The following ZSWIM9 variants were observed in gnomAD, a reference collection of about 807,000 sequenced individuals.
ZSWIM9 encodes uncharacterized protein ZSWIM9.
In ZSWIM9, 11 loss-of-function variants were observed where a neutral mutation model predicts 25.0. The observed-to-expected ratio is 0.44, with a 90% confidence interval of 0.28 to 0.73. The LOEUF (loss-of-function observed/expected upper bound fraction) is 0.73. Among genes scored for constraint, ZSWIM9 ranks in the 30% least tolerant of loss-of-function variants. ZSWIM9 has a pLI of 0.16. For missense variants in ZSWIM9, 1,070 were observed against 1,296.5 expected (o/e 0.83, Z 2.68); for synonymous variants, 562 against 582.1 (o/e 0.97, Z 0.50).
chr19:48,188,034 G>A (rs1457439040), intron 3 of ZSWIM9, among the ~76,000 whole-genome samples: 2 of 150,930 alleles, frequency 1.3e-5, no homozygotes, highest in Non-Finnish European at 2.9e-5. Flanking sequence ...CCTAGGTCAA[G>A]CAACAATCAG....
chr19:48,196,330 G>A lies in ZSWIM9; in HGVS notation c.2266G>A (p.Gly756Arg). 1 of 1,233,540 alleles carries A rather than the reference G, an allele frequency of 8.1e-7. No individual in the cohort carries two copies. Among genetic ancestry groups the A allele is most frequent in the Non-Finnish European group, 1.0e-6 (1 of 989,018 alleles). 76.4% of individuals were successfully genotyped at this position (1,233,540 alleles called of 1,614,324 possible). ...GRGMEWGDAGGRCLGLGNGVV... is the reference protein window; with the variant it reads ...GRGMEWGDAGRRCLGLGNGVV... ...AGGGATGGAGTGGGGAGACGCAGGA[G>A]GGCGGTGTCTAGGGCTGGGGAATGG... The change falls in exon 4 of 4, where the codon GGG (glycine) becomes AGG (arginine). Residue 756 changes from glycine to arginine, a missense_variant. Coordinates refer to ENST00000614654, the MANE Select transcript of ZSWIM9 (RefSeq NM_199341.4).
At chr19:48,175,566 A>G (rs935287497) in intron 2 of ZSWIM9, among the ~76,000 whole-genome samples, 3 of 150,572 alleles carry the variant, frequency 2.0e-5, no homozygotes, top group East Asian at 1.9e-4. Flanking sequence ...GGGTGGTGGG[A>G]GCCCTAGAAG....
rs2037151946 is a variant in ZSWIM9, at chr19:48,195,613, G to A, written c.1549G>A (p.Ala517Thr). ...GAQFEGEKGR[A>T]LQIRDWRGGR... ...TCAGTTCGAAGGTGAGAAGGGGAGG[G>A]CACTGCAGATCAGAGATTGGAGAGG... The change falls in exon 4 of 4, where the codon GCA becomes ACA. Residue 517 changes from alanine (A) to threonine (T), a missense_variant. Around this residue, in one of 4 missense-constraint regions of ZSWIM9, gnomAD observed 583 missense variants for 624.7 expected, o/e 0.93. Transcript: ENST00000614654. This position sits in a 1 kb window ranked among gnomAD's most constrained non-coding sequence, Gnocchi z 5.8. 7.0e-7 allele frequency: 1 copy of A among 1,424,502 alleles called. No individual in the cohort carries two copies. The highest frequency in any genetic ancestry group is 9.1e-7 in the Non-Finnish European group (1 of 1,094,944). 88.2% of individuals were successfully genotyped at this position (1,424,502 alleles called of 1,614,324 possible).
At position 48,179,789 on chromosome 19, in the gene ZSWIM9, C is replaced by T. The variant is rs1324954218; in HGVS notation, c.276-2666C>T. ...GGCATCTGTAAGGTGGGATGATTGTCTTAGTCTCAATTGATGTAACAAACT... is the reference window on the plus strand; with the variant it reads ...GGCATCTGTAAGGTGGGATGATTGTTTTAGTCTCAATTGATGTAACAAACT... On this transcript the variant is annotated intron_variant, in intron 2 of 3. Coordinates refer to ENST00000614654, the MANE Select transcript of ZSWIM9 (RefSeq NM_199341.4). Among the ~76,000 whole-genome samples, 3 of 152,208 alleles carry T rather than the reference C, an allele frequency of 2.0e-5. No individual in the cohort carries two copies. The East Asian group carries it at 5.8e-4, about 29-fold the overall frequency.
In ZSWIM9 at chr19:48,173,669, C is replaced by T. The variant is rs892169574; in HGVS notation, c.275+1592C>T. On this transcript the variant is annotated intron_variant, in intron 2 of 3. Transcript: ENST00000614654. The stretch of plus-strand genomic sequence containing the variant: ...TTATTTTATTTGAGACGGAGTCTTG[C>T]TCTGCCATCCACACTGGAGTGCAGT... Among the ~76,000 whole-genome samples the T allele has an allele frequency of 8.5e-5, 13 of 152,160 alleles. 1 individual carries two copies. Among genetic ancestry groups the T allele is most frequent in the Non-Finnish European group, 1.5e-5 (1 of 68,028 alleles).
rs925148571 is a variant in ZSWIM9, at chr19:48,194,932, C to T, written c.868C>T (p.Arg290Cys). Residue 290 changes from arginine to cysteine, a missense_variant, in exon 4 of 4, where the codon CGC becomes TGC. Arg to Cys is a radical substitution (Grantham distance 180, BLOSUM62 -3). Transcript: ENST00000614654. This position sits in a 1 kb window ranked among gnomAD's most constrained non-coding sequence, Gnocchi z 6.0. The stretch of plus-strand genomic sequence containing the variant: ...CGCGCCAGACGTCAAGGGCCGCGTG[C>T]GCTGCCTCACCGCCGGGCCCGAGGT... ...QSAPDVKGRVRCLTAGPEVAA... is the reference protein window; with the variant it reads ...QSAPDVKGRVCCLTAGPEVAA... 2 of 1,320,084 alleles carry T rather than the reference C, an allele frequency of 1.5e-6. No individual in the cohort carries two copies. Among genetic ancestry groups the T allele is most frequent in the Non-Finnish European group, 1.9e-6 (2 of 1,036,294 alleles). The allele number at this position is 1,320,084 out of a possible 1,614,324, so 81.8% of individuals were successfully genotyped here.
intron 2 of ZSWIM9, among the ~76,000 whole-genome samples, chr19:48,178,616 G>A (rs769650933): frequency 4.6e-5 from 7 of 151,742 alleles, no homozygotes; most frequent in African/African-American, 1.5e-4. Context: ...TCGCTCTGTC[G>A]CCCAGGCTGG....
At position 48,182,920 on chromosome 19, in the gene ZSWIM9, T is replaced by C. The variant is rs942284122; in HGVS notation, c.588+153T>C. ...CATTCAATAAGTACTTACCGAGGCA[T>C]TGGGGATGCAGCAGCAAACCAGACC... On this transcript the variant is annotated intron_variant, in intron 3 of 3. Coordinates refer to ENST00000614654, the MANE Select transcript of ZSWIM9 (RefSeq NM_199341.4). This position sits in a 1 kb window ranked among gnomAD's most constrained non-coding sequence, Gnocchi z 4.6. The C allele has an allele frequency of 2.7e-5, 18 of 660,694 alleles. No individual in the cohort carries two copies. Among genetic ancestry groups the C allele is most frequent in the South Asian group, 1.4e-4 (7 of 51,692 alleles). The allele number at this position is 660,694 out of a possible 1,614,324, so 40.9% of individuals were successfully genotyped here.
At chr19:48,180,952 TA>T (rs2036942044) in intron 2 of ZSWIM9, 2 of 149,036 alleles carry the variant, frequency 1.3e-5, no homozygotes, top group African/African-American at 5.0e-5. Flanking sequence ...AATATATATA[TA>T]TATATATTTT....
In ZSWIM9 at chr19:48,194,894, C is replaced by G; in HGVS notation, c.830C>G (p.Ser277Trp). ...AGCCTGCTGCGCTTCGCGCTCGCGT[C>G]GCTGCTGCAGAGCGCGCCAGACGTC... is the stretch of plus-strand genomic sequence containing the variant. ...TPSLLRFALA[S>W]LLQSAPDVKG... is the part of the protein sequence containing the mutation. Residue 277 changes from serine to tryptophan, a missense_variant, in exon 4 of 4, where the codon TCG (serine) becomes TGG (tryptophan). Coordinates refer to ENST00000614654, the MANE Select transcript of ZSWIM9 (RefSeq NM_199341.4). This position sits in a 1 kb window ranked among gnomAD's most constrained non-coding sequence, Gnocchi z 6.0. 1 of 1,317,400 alleles carries G rather than the reference C, an allele frequency of 7.6e-7. No individual in the cohort carries two copies. Among genetic ancestry groups the G allele is most frequent in the Non-Finnish European group, 9.6e-7 (1 of 1,037,876 alleles). The allele number at this position is 1,317,400 out of a possible 1,614,324, so 81.6% of individuals were successfully genotyped here.
At chr19:48,184,229 C>T (rs1391216648) in intron 3 of ZSWIM9, among the ~76,000 whole-genome samples, 3 of 151,938 alleles carry the variant, frequency 2.0e-5, no homozygotes, top group African/African-American at 7.3e-5. Flanking sequence ...GGAGATGGAA[C>T]AGAGGCAAGG....
In ZSWIM9 at chr19:48,195,295, C is replaced by A. The variant is rs1015013177; in HGVS notation, c.1231C>A (p.Arg411=). 2.0e-6 allele frequency: 3 copies of A among 1,530,100 alleles called. No individual in the cohort carries two copies. Among genetic ancestry groups the A allele is most frequent in the Non-Finnish European group, 2.6e-6 (3 of 1,144,274 alleles). The allele number at this position is 1,530,100 out of a possible 1,614,324, so 94.8% of individuals were successfully genotyped here. The change falls in exon 4 of 4, where the codon CGG becomes AGG. Residue 411 remains arginine (R), a synonymous_variant. Coordinates refer to ENST00000614654, the MANE Select transcript of ZSWIM9 (RefSeq NM_199341.4). The surrounding 1 kb of genome is among the most constrained non-coding windows in gnomAD (Gnocchi z 5.8). ...DACALVRGHR[R]RLLRRLSPSR... ...GTGTGCCCTGGTGCGAGGCCACCGC[C>A]GGCGACTGCTGCGTCGTCTCAGCCC... is the stretch of plus-strand genomic sequence containing the variant.
intron 3 of ZSWIM9, among the ~76,000 whole-genome samples, chr19:48,185,796 G>A (rs1314481085): frequency 6.6e-6 from 1 of 152,156 alleles, no homozygotes; most frequent in African/African-American, 2.4e-5. Context: ...AGACCAGCAT[G>A]GCCAACATGG....
At chr19:48,185,124 A>G (rs1052967495) in intron 3 of ZSWIM9, among the ~76,000 whole-genome samples, 14 of 144,670 alleles carry the variant, frequency 9.7e-5, no homozygotes, top group Non-Finnish European at 1.8e-4. Flanking sequence ...CTGTGTTTTG[A>G]CCTGCTTTCA....
chr19:48,195,607 G>C lies in ZSWIM9; in HGVS notation c.1543G>C (p.Gly515Arg). 7.0e-7 allele frequency: 1 copy of C among 1,422,462 alleles called. No individual in the cohort carries two copies. The allele number at this position is 1,422,462 out of a possible 1,614,324, so 88.1% of individuals were successfully genotyped here. ...WGGAQFEGEK[G>R]RALQIRDWRG... Reference sequence around the variant, plus strand: ...CGGGGCTCAGTTCGAAGGTGAGAAGGGGAGGGCACTGCAGATCAGAGATTG... The same window carrying C: ...CGGGGCTCAGTTCGAAGGTGAGAAGCGGAGGGCACTGCAGATCAGAGATTG... Residue 515 changes from glycine (G) to arginine (R), a missense_variant, in exon 4 of 4, where the codon GGG (glycine) becomes CGG (arginine). Gly to Arg is a moderately radical substitution (Grantham distance 125, BLOSUM62 -2). This residue lies in a region of ZSWIM9 where 583 missense variants were observed against 624.7 expected (regional missense o/e 0.93). Coordinates refer to ENST00000614654, the MANE Select transcript of ZSWIM9 (RefSeq NM_199341.4). The surrounding 1 kb of genome is among the most constrained non-coding windows in gnomAD (Gnocchi z 5.8).
chr19:48,191,086 A>ATG (rs1409972670), intron 3 of ZSWIM9, among the ~76,000 whole-genome samples: 11,171 of 142,494 alleles, frequency 0.078, 434 homozygotes, highest in Middle Eastern at 0.12. Context: ...TGCAGTGTGT[A>ATG]TGTGTATGTG....
Position 48,186,024 on chromosome 19 carries a change from T to C in ZSWIM9, c.588+3257T>C, listed in dbSNP as rs184807001. On this transcript the variant is annotated intron_variant, in intron 3 of 3. Transcript: ENST00000614654. ...GAAAGAAAATGGTTCTTATCTGTAC[T>C]GTCCAATCCAGAGGCCACTGGCCAC... Among the ~76,000 whole-genome samples, 51 of 152,290 alleles carry C rather than the reference T, an allele frequency of 3.3e-4. No individual in the cohort carries two copies. The East Asian group carries it at 9.4e-3, about 28-fold the overall frequency.
At chr19:48,175,977 G>A (rs1360785628) in intron 2 of ZSWIM9, among the ~76,000 whole-genome samples, 2 of 152,210 alleles carry the variant, frequency 1.3e-5, no homozygotes, top group African/African-American at 4.8e-5. Flanking sequence ...AGGCCGAGGC[G>A]GGCAGATCAC....
Position 48,195,493 on chromosome 19 carries a change from T to C in ZSWIM9, c.1429T>C (p.Trp477Arg). 7.1e-7 allele frequency: 1 copy of C among 1,410,924 alleles called. No individual in the cohort carries two copies. Among genetic ancestry groups the C allele is most frequent in the Non-Finnish European group, 9.2e-7 (1 of 1,089,742 alleles). 87.4% of individuals were successfully genotyped at this position (1,410,924 alleles called of 1,614,324 possible). ...ERVRGLETGDWGGAPKEGSIW... is the reference protein window; with the variant it reads ...ERVRGLETGDRGGAPKEGSIW... The stretch of plus-strand genomic sequence containing the variant: ...GGTGAGGGGCCTGGAGACAGGCGAC[T>C]GGGGAGGGGCTCCGAAAGAAGGAAG... Residue 477 changes from tryptophan to arginine, a missense_variant, in exon 4 of 4, where the codon TGG becomes CGG. Transcript: ENST00000614654. This position sits in a 1 kb window ranked among gnomAD's most constrained non-coding sequence, Gnocchi z 5.8.
Sources: allele counts gnomAD v4.1 joint callset (sites outside exome capture counted in the v4.1 genomes callset), GRCh38; gene constraint gnomAD v4.1.1; regional missense constraint gnomAD v4.1.1; non-coding constraint Gnocchi (gnomAD v3.1); transcripts MANE v1.5; gene names NCBI Gene and HGNC (gene_info 2026-07-23, HGNC 2026-07-21).